YAP1: variants seen among roughly 807,000 people sequenced by gnomAD.
The protein encoded by YAP1 is Yes1 associated transcriptional regulator.
A neutral mutation model predicts 56.9 loss-of-function variants in YAP1; 5 were observed. The observed-to-expected ratio is 0.09, with a 90% CI of 0.05 to 0.18. YAP1 has a LOEUF of 0.18. YAP1 is among the 10% of genes least tolerant of loss of function. The pLI is 1.00. For synonymous variants in YAP1, 265 were observed against 248.1 expected (o/e 1.07, Z -0.64); for missense variants, 539 against 651.8 (o/e 0.83, Z 1.88).
At chr11:102,180,060 A>C in intron 3 of YAP1, among the ~76,000 whole-genome samples, 1 of 136,288 alleles carries the variant, frequency 7.3e-6, no homozygotes, top group East Asian at 2.1e-4. Context: ...TCCAGGCTGG[A>C]GTGCAATGGC....
chr11:102,124,873 T>C (rs1194031861), intron 2 of YAP1, among the ~76,000 whole-genome samples: 1 of 152,032 alleles, frequency 6.6e-6, no homozygotes, highest in African/African-American at 2.4e-5. Context: ...GTAGCTGGGA[T>C]CACAGATTGC....
At chr11:102,135,914 G>T (rs1185153377) in intron 2 of YAP1, among the ~76,000 whole-genome samples, 2 of 152,160 alleles carry the variant, frequency 1.3e-5, no homozygotes, top group East Asian at 3.9e-4. Flanking sequence ...TTTCATAGCT[G>T]TGTGGCTCTA....
intron 4 of YAP1, among the ~76,000 whole-genome samples, chr11:102,198,292 T>A (rs1337618206): frequency 2.0e-5 from 3 of 152,230 alleles, no homozygotes; most frequent in Admixed American, 2.0e-4. Flanking sequence ...ATTCAGTTTG[T>A]TGTCAGCATT....
intron 5 of YAP1, among the ~76,000 whole-genome samples, chr11:102,207,481 C>G (rs929946185): frequency 6.6e-6 from 1 of 151,628 alleles, no homozygotes; most frequent in African/African-American, 2.4e-5. Context: ...TGCTTGAGCC[C>G]AGGAGTTCGA....
chr11:102,145,472 C>G (rs1945273864), intron 2 of YAP1, among the ~76,000 whole-genome samples: 1 of 152,144 alleles, frequency 6.6e-6, no homozygotes, highest in Non-Finnish European at 1.5e-5. Context: ...TGGAAAGACA[C>G]TGTGGAAAGA....
At chr11:102,120,479 T>C (rs976016623) in intron 2 of YAP1, among the ~76,000 whole-genome samples, 25 of 152,276 alleles carry the variant, frequency 1.6e-4, no homozygotes, top group African/African-American at 6.0e-4. Context: ...TTCTACCAGA[T>C]ATTTTCAGTG....
intron 2 of YAP1, among the ~76,000 whole-genome samples, chr11:102,149,589 G>A: frequency 6.6e-6 from 1 of 152,192 alleles, no homozygotes; most frequent in East Asian, 1.9e-4. Flanking sequence ...TAAGGTATAT[G>A]TGAAATGATT....
At chr11:102,153,301 T>G (rs1036522537) in intron 2 of YAP1, among the ~76,000 whole-genome samples, 2 of 152,210 alleles carry the variant, frequency 1.3e-5, no homozygotes, top group South Asian at 4.1e-4. Flanking sequence ...ATCACAGATA[T>G]GAGTGATTCA....
intron 2 of YAP1, among the ~76,000 whole-genome samples, chr11:102,159,120 A>G (rs547123009): frequency 2.0e-5 from 3 of 152,258 alleles, no homozygotes; most frequent in South Asian, 2.1e-4. Context: ...CCCTTCCCCT[A>G]GGAGCCAATA....
intron 2 of YAP1, among the ~76,000 whole-genome samples, chr11:102,126,408 C>T (rs1944037848): frequency 6.6e-6 from 1 of 152,172 alleles, no homozygotes; most frequent in Admixed American, 6.5e-5. Flanking sequence ...AATTGAATCA[C>T]AGGGGCCTTT....
At chr11:102,198,565 A>C (rs752563855) in intron 4 of YAP1, among the ~76,000 whole-genome samples, 6 of 152,320 alleles carry the variant, frequency 3.9e-5, no homozygotes, top group South Asian at 2.1e-4. Context: ...TTTTGAAATC[A>C]ATCATGTTTT....
intron 2 of YAP1, among the ~76,000 whole-genome samples, chr11:102,153,853 T>TAAA (rs201407836): frequency 2.3e-4 from 33 of 145,466 alleles, no homozygotes; most frequent in Middle Eastern, 3.5e-3. Context: ...GAGGAACTCT[T>TAAA]AAAAAAAAAA....
intron 8 of YAP1, 98 bp from the exon 9 acceptor site, chr11:102,229,604 C>A: frequency 9.2e-7 from 1 of 1,085,200 alleles, no homozygotes; most frequent in Non-Finnish European, 1.3e-6. Flanking sequence ...CAGTCAGGAG[C>A]GCTTTTCTTT....
chr11:102,179,299 G>A (rs535760285), intron 3 of YAP1, among the ~76,000 whole-genome samples: 107 of 152,174 alleles, frequency 7.0e-4, no homozygotes, highest in African/African-American at 2.3e-3. Flanking sequence ...TCTTTTTCAC[G>A]TCTAAGGGCC....
Position 102,231,917 on chromosome 11 carries a change from A to G in YAP1, c.*1977A>G. ...AGTTGGAAGTAAGAAGTTTTATTTT[A>G]AGTACTTTCAGTGCTCAAAAAAATG... On this transcript the variant is annotated 3_prime_UTR_variant, in exon 9 of 9. Transcript: ENST00000282441. The G allele has an allele frequency of 6.6e-6, 1 of 152,562 alleles. No individual in the cohort carries two copies. Among genetic ancestry groups the G allele is most frequent in the East Asian group, 1.9e-4 (1 of 5,200 alleles). The allele number at this position is 152,562 out of a possible 1,614,324, so 9.5% of individuals were successfully genotyped here. A position where few individuals can be genotyped will look rare whatever the true frequency, so the allele number is the denominator to read the frequency against.
At chr11:102,204,343 A>G (rs1949018294) in intron 4 of YAP1, among the ~76,000 whole-genome samples, 1 of 152,170 alleles carries the variant, frequency 6.6e-6, no homozygotes, top group Admixed American at 6.5e-5. Flanking sequence ...GAAATGGCTC[A>G]GTATTTTTTC....
At chr11:102,150,802 GTTTTT>G (rs370378973) in intron 2 of YAP1, among the ~76,000 whole-genome samples, 1 of 108,050 alleles carries the variant, frequency 9.3e-6, no homozygotes, top group Admixed American at 1.1e-4. Context: ...CATACAAATG[GTTTTT>G]TTTTTTTTTT....
At chr11:102,147,294 G>GTT (rs1158764786) in intron 2 of YAP1, among the ~76,000 whole-genome samples, 1 of 152,154 alleles carries the variant, frequency 6.6e-6, no homozygotes, top group Non-Finnish European at 1.5e-5. Flanking sequence ...AGTGTAGTAT[G>GTT]CCAGAACACT....
chr11:102,166,488 T>A (rs1029042377), intron 3 of YAP1, among the ~76,000 whole-genome samples: 1 of 152,206 alleles, frequency 6.6e-6, no homozygotes, highest in East Asian at 1.9e-4. Context: ...AATGATCTTT[T>A]AAGGAGTTTT....
Sources: allele counts gnomAD v4.1 joint callset (sites outside exome capture counted in the v4.1 genomes callset), GRCh38; gene constraint gnomAD v4.1.1; transcripts MANE v1.5; gene names NCBI Gene and HGNC (gene_info 2026-07-23, HGNC 2026-07-21).